Variants in CERS3 observed in about 807,000 individuals in gnomAD.
CERS3 encodes the protein ceramide synthase 3.
A neutral mutation model predicts 50.3 loss-of-function variants in CERS3; 33 were observed. That is an observed-to-expected ratio of 0.66 (90% CI 0.50 to 0.88). The LOEUF is 0.88. Ranked by LOEUF, CERS3 falls within the 40% of genes least tolerant of loss-of-function variation. CERS3 has a pLI of 0.00. For missense variants in CERS3, 470 were observed against 460.3 expected, an observed-to-expected ratio of 1.02 and a Z score of -0.19; for synonymous variants, 176 against 155.2, an observed-to-expected ratio of 1.13 and a Z score of -0.99.
intron 4 of CERS3, among the ~76,000 whole-genome samples, chr15:100,490,271 T>G (rs1461177775): frequency 6.6e-6 from 1 of 152,122 alleles, no homozygotes; most frequent in African/African-American, 2.4e-5. Flanking sequence ...GAAGGAAACT[T>G]TATATTGTGA....
intron 4 of CERS3, among the ~76,000 whole-genome samples, chr15:100,489,578 G>A (rs1284728743): frequency 6.6e-6 from 1 of 151,632 alleles, no homozygotes; most frequent in Non-Finnish European, 1.5e-5. Context: ...ACTAAAGTTA[G>A]TTGTTCCCAA....
At chr15:100,406,931 C>T (rs910529819) in intron 11 of CERS3, among the ~76,000 whole-genome samples, 10 of 152,132 alleles carry the variant, frequency 6.6e-5, no homozygotes, top group African/African-American at 1.9e-4. Flanking sequence ...TGGATGGCAG[C>T]GGGCAAAGAG....
intron 10 of CERS3, among the ~76,000 whole-genome samples, chr15:100,457,868 T>G (rs1206026690): frequency 6.6e-6 from 1 of 152,230 alleles, no homozygotes; most frequent in East Asian, 1.9e-4. Flanking sequence ...ACATAACATT[T>G]GTGAGATTTT....
intron 8 of CERS3, among the ~76,000 whole-genome samples, chr15:100,473,647 A>T (rs1426300267): frequency 6.6e-6 from 1 of 152,230 alleles, no homozygotes; most frequent in Non-Finnish European, 1.5e-5. Flanking sequence ...ATGAACAATA[A>T]CAAGTGTTGG....
chr15:100,473,144 A>G (rs2035022638), intron 8 of CERS3, 92 bp from the exon 9 acceptor site: 1 of 1,309,236 alleles, frequency 7.6e-7, no homozygotes, highest in African/African-American at 1.5e-5. Flanking sequence ...GAGACCAATA[A>G]CTTACATCTG....
chr15:100,432,761 AC>A (rs1337732746), intron 11 of CERS3, among the ~76,000 whole-genome samples: 1 of 152,102 alleles, frequency 6.6e-6, no homozygotes, highest in Non-Finnish European at 1.5e-5. Flanking sequence ...AAACAGAGTC[AC>A]GTACGTTCGA....
At chr15:100,403,455 C>T (rs906285239) in intron 11 of CERS3, among the ~76,000 whole-genome samples, 2 of 151,808 alleles carry the variant, frequency 1.3e-5, no homozygotes, top group Non-Finnish European at 1.5e-5. Context: ...TAAGGAAAAC[C>T]AATAAACCCA....
At chr15:100,423,262 T>A (rs1023913017) in intron 11 of CERS3, among the ~76,000 whole-genome samples, 14 of 152,148 alleles carry the variant, frequency 9.2e-5, no homozygotes, top group African/African-American at 3.4e-4. Context: ...GCAATCCTAT[T>A]ACTGGGTATA....
intron 4 of CERS3, among the ~76,000 whole-genome samples, chr15:100,489,338 GT>G (rs1263842543): frequency 6.6e-6 from 1 of 152,134 alleles, no homozygotes; most frequent in Non-Finnish European, 1.5e-5. Context: ...TGGGCCTTAA[GT>G]TTCCTCATCT....
chr15:100,421,060 A>G (rs1460883733), intron 11 of CERS3, among the ~76,000 whole-genome samples: 1 of 148,896 alleles, frequency 6.7e-6, no homozygotes, highest in East Asian at 2.0e-4. Context: ...CCTATTCAAC[A>G]TAGTGTTGGA....
chr15:100,442,424 T>C (rs948197092), intron 11 of CERS3, among the ~76,000 whole-genome samples: 2 of 152,154 alleles, frequency 1.3e-5, no homozygotes, highest in Admixed American at 1.3e-4. Context: ...CAAGTAACAA[T>C]GTATTTCTGA....
chr15:100,520,146 C>A (rs976464110), intron 2 of CERS3, among the ~76,000 whole-genome samples: 2 of 152,196 alleles, frequency 1.3e-5, no homozygotes, highest in African/African-American at 4.8e-5. Context: ...GACAGCACAG[C>A]ATAATGCTAG....
At chr15:100,435,078 G>A (rs8040259) in intron 11 of CERS3, among the ~76,000 whole-genome samples, 18,453 of 152,110 alleles carry the variant, frequency 0.12, 1,303 homozygotes, top group Admixed American at 0.22. Context: ...TATCAATGCC[G>A]TGCTCTCAGG....
chr15:100,537,864 T>C (rs1452472978), intron 1 of CERS3, among the ~76,000 whole-genome samples: 1 of 151,984 alleles, frequency 6.6e-6, no homozygotes, highest in Non-Finnish European at 1.5e-5. Context: ...AAAGTCCAAG[T>C]CCAAAGTTTC....
intron 11 of CERS3, among the ~76,000 whole-genome samples, chr15:100,437,593 C>T (rs544462872): frequency 2.6e-5 from 4 of 152,252 alleles, no homozygotes; most frequent in African/African-American, 7.2e-5. Flanking sequence ...GCCAACTGCC[C>T]GACAACGACT....
chr15:100,543,570 C>T (rs963506261), intron 1 of CERS3, among the ~76,000 whole-genome samples: 1 of 150,946 alleles, frequency 6.6e-6, no homozygotes, highest in African/African-American at 2.4e-5. Context: ...GCTCTTGTTG[C>T]CCAGGCTGGA....
chr15:100,409,398 G>A (rs935535805), intron 11 of CERS3, among the ~76,000 whole-genome samples: 2 of 151,872 alleles, frequency 1.3e-5, no homozygotes, highest in African/African-American at 4.8e-5. Flanking sequence ...ACTGGCTAAG[G>A]TATGCTAGAA....
chr15:100,493,090 G>A (rs2035700797), intron 3 of CERS3, among the ~76,000 whole-genome samples: 1 of 152,128 alleles, frequency 6.6e-6, no homozygotes. Flanking sequence ...ATAGGAGAAA[G>A]TGTTAAAAAC....
chr15:100,507,012 A>C (rs1285691633), intron 2 of CERS3, among the ~76,000 whole-genome samples: 3 of 152,102 alleles, frequency 2.0e-5, no homozygotes, highest in Non-Finnish European at 4.4e-5. Context: ...TAACCTTTAC[A>C]CCTTTTAATC....
Sources: allele counts gnomAD v4.1 joint callset (sites outside exome capture counted in the v4.1 genomes callset), GRCh38; gene constraint gnomAD v4.1.1; transcripts MANE v1.5; gene names NCBI Gene and HGNC (gene_info 2026-07-23, HGNC 2026-07-21).